DMGDH: variants seen among roughly 807,000 people sequenced by gnomAD.
The protein encoded by DMGDH is dimethylglycine dehydrogenase, mitochondrial.
DMGDH carries 76 observed loss-of-function variants against 95.2 expected under a neutral mutation model. The observed-to-expected ratio is 0.80, with a 90% CI of 0.66 to 0.97. DMGDH has a LOEUF of 0.97. Ranked by LOEUF, DMGDH falls within the 50% of genes least tolerant of loss-of-function variation. The pLI, the probability that DMGDH is intolerant of heterozygous loss-of-function variation, is 0.00. For missense variants in DMGDH, 987 were observed against 1,055.0 expected (o/e 0.94, Z 0.89); for synonymous variants, 345 against 377.6 (o/e 0.91, Z 1.00).
chr5:79,042,116 T>G (rs1754525593), intron 7 of DMGDH, among the ~76,000 whole-genome samples, 167 bp downstream of exon 7: 1 of 152,240 alleles, frequency 6.6e-6, no homozygotes, highest in Non-Finnish European at 1.5e-5. Flanking sequence ...ATTCATTGTA[T>G]GAATCCTTGG....
At chr5:79,069,096 C>T (rs1331675099) in intron 1 of DMGDH, among the ~76,000 whole-genome samples, 1 of 152,060 alleles carries the variant, frequency 6.6e-6, no homozygotes, top group Non-Finnish European at 1.5e-5. Context: ...AATAGACTAA[C>T]GATAGTGTAG....
chr5:79,056,144 CAT>C (rs78883659), intron 2 of DMGDH, among the ~76,000 whole-genome samples: 10,808 of 152,114 alleles, frequency 0.071, 850 homozygotes, highest in African/African-American at 0.18. Flanking sequence ...AATAAACATA[CAT>C]GTTAAGTCCC....
intron 5 of DMGDH, among the ~76,000 whole-genome samples, 180 bp downstream of exon 5, chr5:79,051,107 C>T (rs765464470): frequency 5.9e-5 from 9 of 151,758 alleles, no homozygotes; most frequent in Non-Finnish European, 1.3e-4. Flanking sequence ...AGAGTGATAG[C>T]GCATCCACCA....
chr5:79,050,248 C>CA (rs57662602), intron 5 of DMGDH, among the ~76,000 whole-genome samples: 1,440 of 78,192 alleles, frequency 0.018, 12 homozygotes, highest in Non-Finnish European at 0.024. Context: ...AACTTTGTCT[C>CA]AAAAAAAAAA....
chr5:79,026,181 G>A (rs1345475367), intron 13 of DMGDH, among the ~76,000 whole-genome samples: 1 of 152,176 alleles, frequency 6.6e-6, no homozygotes, highest in African/African-American at 2.4e-5. Flanking sequence ...GTCCAAGACA[G>A]TTATCTAGGG....
At chr5:79,018,608 C>G (rs1449375661) in intron 14 of DMGDH, among the ~76,000 whole-genome samples, 8 of 152,140 alleles carry the variant, frequency 5.3e-5, no homozygotes, top group Non-Finnish European at 1.0e-4. Flanking sequence ...GTGATGGTTT[C>G]ACTGCTGTAT....
At chr5:79,003,468 T>C (rs184022527) in intron 15 of DMGDH, among the ~76,000 whole-genome samples, 1 of 151,732 alleles carries the variant, frequency 6.6e-6, no homozygotes, top group Admixed American at 6.6e-5. Context: ...AAAGAAGAGA[T>C]AGGGAGAAAG....
At chr5:79,013,498 C>T (rs940171424) in intron 14 of DMGDH, among the ~76,000 whole-genome samples, 2 of 152,176 alleles carry the variant, frequency 1.3e-5, no homozygotes, top group Non-Finnish European at 2.9e-5. Context: ...TGCCCATTAC[C>T]CAGTTCCAAA....
At chr5:79,037,679 A>G (rs983158616) in intron 7 of DMGDH, among the ~76,000 whole-genome samples, 5 of 152,172 alleles carry the variant, frequency 3.3e-5, no homozygotes, top group Admixed American at 6.5e-5. Context: ...GTTATAAGTA[A>G]CTTGTTCTAG....
At chr5:79,063,084 A>G (rs1755257608) in intron 2 of DMGDH, among the ~76,000 whole-genome samples, 1 of 152,028 alleles carries the variant, frequency 6.6e-6, no homozygotes, top group Non-Finnish European at 1.5e-5. Context: ...GCGAGACTCC[A>G]TTTCAAAAAA....
chr5:79,054,319 G>C lies in DMGDH; in HGVS notation c.405C>G (p.Ile135Met). 1 of 1,614,078 alleles carries C rather than the reference G, an allele frequency of 6.2e-7. No homozygotes were observed. The highest frequency in any genetic ancestry group is 8.5e-7 in the Non-Finnish European group (1 of 1,180,000). Residue 135 changes from isoleucine to methionine, a missense_variant, in exon 4 of 16, where the codon ATC becomes ATG. Transcript: ENST00000255189. ...CCCTTACAGGGGTGGTAGCAAGTCT[G>C]ATACTACCTGGCTGATGGAATCCCA... ...QVVGFHQPGSIRLATTPVRVD... is the reference protein window; with the variant it reads ...QVVGFHQPGSMRLATTPVRVD...
Position 79,030,919 on chromosome 5 carries a change from C to T in DMGDH, c.1597G>A (p.Asp533Asn). The T allele has an allele frequency of 1.9e-6, 3 of 1,614,108 alleles. No homozygotes were observed. The highest frequency in any genetic ancestry group is 2.5e-6 in the Non-Finnish European group (3 of 1,180,008). ...TTAAACTTGCCAAATGGTGATAGGT[C>T]AGTTACCGCTACTCTTTGCATAACC... ...KQVMQRVAVT[D>N]LSPFGKFNIK... Residue 533 changes from aspartate (D) to asparagine (N), a missense_variant, in exon 10 of 16, where the codon GAC becomes AAC. Physicochemically the swap from Asp to Asn is conservative, Grantham distance 23. Transcript: ENST00000255189.
chr5:79,040,653 A>G (rs73132107), intron 7 of DMGDH, among the ~76,000 whole-genome samples: 10,631 of 152,300 alleles, frequency 0.07, 840 homozygotes, highest in African/African-American at 0.18. Flanking sequence ...AATGGACACC[A>G]TCAAGAAAGT....
At chr5:79,041,194 C>A (rs1754499133) in intron 7 of DMGDH, among the ~76,000 whole-genome samples, 1 of 152,220 alleles carries the variant, frequency 6.6e-6, no homozygotes, top group African/African-American at 2.4e-5. Flanking sequence ...GGTAGAGACC[C>A]CAGCTTCTCT....
At chr5:79,001,764 C>T (rs1753458422) in intron 15 of DMGDH, among the ~76,000 whole-genome samples, 1 of 152,170 alleles carries the variant, frequency 6.6e-6, no homozygotes, top group African/African-American at 2.4e-5. Context: ...TTAAAATTTG[C>T]CTTGCTTTCT....
intron 5 of DMGDH, among the ~76,000 whole-genome samples, chr5:79,050,331 A>G (rs987907485): frequency 6.8e-6 from 1 of 147,412 alleles, no homozygotes; most frequent in Admixed American, 6.8e-5. Flanking sequence ...AGAGGAAAGA[A>G]TCATAAGGGT....
At chr5:79,046,056 G>GTGTTTTGTTTTGTTTTGTTT (rs71974072) in intron 5 of DMGDH, among the ~76,000 whole-genome samples, 14 of 147,706 alleles carry the variant, frequency 9.5e-5, no homozygotes, top group African/African-American at 3.3e-4. Flanking sequence ...CTATTTGCCG[G>GTGTTTTGTTTTGTTTTGTTT]TGTTTTGTTT....
intron 2 of DMGDH, among the ~76,000 whole-genome samples, chr5:79,058,068 T>C (rs1206484125): frequency 6.6e-6 from 1 of 152,192 alleles, no homozygotes; most frequent in Non-Finnish European, 1.5e-5. Flanking sequence ...AGGTAACAAA[T>C]TATTTTAGAA....
At chr5:79,026,703 C>A in intron 12 of DMGDH, 122 bp from the exon 13 acceptor site, 1 of 1,421,140 alleles carries the variant, frequency 7.0e-7, no homozygotes, top group Non-Finnish European at 9.7e-7. Flanking sequence ...CATTGTCAGT[C>A]TCTAAAAAGA....
Sources: gnomAD v4.1 joint callset for allele counts (sites outside exome capture counted in the v4.1 genomes callset) on GRCh38, gnomAD v4.1.1 for gene constraint, MANE v1.5 for transcripts, NCBI Gene and HGNC (gene_info 2026-07-23, HGNC 2026-07-21) for gene names.